Variants in MAB21L4 observed in about 807,000 individuals in gnomAD.
MAB21L4 encodes protein mab-21-like 4.
In MAB21L4, 25 loss-of-function variants were observed where a neutral mutation model predicts 32.4. The ratio of observed to expected loss-of-function variants is 0.77; its 90% CI spans 0.56 to 1.08. The LOEUF (loss-of-function observed/expected upper bound fraction) is 1.08, where lower values mean the gene tolerates loss of function less well. Among genes scored for constraint, MAB21L4 ranks in the 50% least tolerant of loss-of-function variants. MAB21L4 has a pLI of 0.00. For missense variants in MAB21L4, 638 were observed against 611.0 expected (o/e 1.04, Z -0.47); for synonymous variants, 280 against 276.8 (o/e 1.01, Z -0.11).
Position 240,891,764 on chromosome 2 carries a change from C to A in MAB21L4, c.515-1G>T. The A allele has an allele frequency of 1.2e-6, 2 of 1,607,122 alleles. No homozygotes were observed. Among genetic ancestry groups the A allele is most frequent in the Non-Finnish European group, 8.5e-7 (1 of 1,177,784 alleles). On this transcript the variant is annotated splice_acceptor_variant, in intron 1 of 4. Coordinates refer to ENST00000388934, the MANE Select transcript of MAB21L4 (RefSeq NM_001085437.3). LOFTEE classifies it high-confidence loss of function. ...CTCAGGCTGGCCGCGTTCAGCGAAC[C>A]TGCAAAGACCCAAGTCACGCCGGCC...
In MAB21L4 at chr2:240,888,614, G is replaced by T; in HGVS notation, c.929C>A (p.Ala310Glu). 2.5e-6 allele frequency: 4 copies of T among 1,597,888 alleles called. No homozygotes were observed. Among genetic ancestry groups the T allele is most frequent in the Non-Finnish European group, 1.7e-6 (2 of 1,172,598 alleles). The change falls in exon 4 of 5, where the codon GCG (alanine) becomes GAG (glutamate). Residue 310 changes from alanine to glutamate, a missense_variant. Ala to Glu is a moderately radical substitution (Grantham distance 107). Coordinates refer to ENST00000388934, the MANE Select transcript of MAB21L4 (RefSeq NM_001085437.3). Reference protein sequence around the residue: ...VLLWASVLFLAPEDWAELQGA... With the variant: ...VLLWASVLFLEPEDWAELQGA... ...CTGCAGTTCTGCCCAGTCCTCGGGCGCCAGGAAGAGCACAGAGGCCCACAG... is the reference window on the plus strand; with the variant it reads ...CTGCAGTTCTGCCCAGTCCTCGGGCTCCAGGAAGAGCACAGAGGCCCACAG...
In MAB21L4 at chr2:240,888,395, C is replaced by T; in HGVS notation, c.1148G>A (p.Ser383Asn). The T allele has an allele frequency of 6.4e-7, 1 of 1,557,066 alleles. No homozygotes were observed. Residue 383 changes from serine to asparagine, a missense_variant, in exon 4 of 5, where the codon AGC (serine) becomes AAC (asparagine). Transcript: ENST00000388934. ...CCCGGAGCCGATGCGCGGCGGGGGG[C>T]TGCGGCCCAGGTGGGTGGCGTGGAT... ...LRIHATHLGR[S>N]PPPRIGSGLK...
In MAB21L4 at chr2:240,889,986, C is replaced by A. The variant is rs368651713; in HGVS notation, c.894+19G>T. The A allele has an allele frequency of 6.3e-7, 1 of 1,592,638 alleles. No homozygotes were observed. Among genetic ancestry groups the A allele is most frequent in the East Asian group, 2.3e-5 (1 of 44,280 alleles). ...TGGGCCCTGGTGACAGACAACCCGC[C>A]GAGTCCCGCCCTGGGTACCTTCAGG... On this transcript the variant is annotated intron_variant, in intron 3 of 4. Coordinates refer to ENST00000388934, the MANE Select transcript of MAB21L4 (RefSeq NM_001085437.3).
chr2:240,891,447 G>T lies in MAB21L4; in HGVS notation c.740+91C>A, dbSNP rs2059148030. 4.1e-6 allele frequency: 5 copies of T among 1,231,224 alleles called. No individual in the cohort carries two copies. The South Asian group carries it at 5.8e-5, about 14-fold the overall frequency. 76.3% of individuals were successfully genotyped at this position (1,231,224 alleles called of 1,614,324 possible). A position where few individuals can be genotyped will look rare whatever the true frequency, so the allele number is the denominator to read the frequency against. On this transcript the variant is annotated intron_variant, in intron 2 of 4. Coordinates refer to ENST00000388934, the MANE Select transcript of MAB21L4 (RefSeq NM_001085437.3). ...GCAGAGGCAGACGGAGGACCCTGCA[G>T]ATCCTCCTGGCTGGGGCCAGGGGAG...
chr2:240,891,805 C>T (rs765064683), intron 1 of MAB21L4, 42 bp from the exon 2 acceptor site: 1 of 1,603,168 alleles, frequency 6.2e-7, no homozygotes, highest in South Asian at 1.1e-5. Context: ...ACTTGCCTCA[C>T]CTGCCCAGGA....
intron 2 of MAB21L4, among the ~76,000 whole-genome samples, chr2:240,891,230 G>T (rs4675791): frequency 6.6e-5 from 10 of 152,104 alleles, no homozygotes; most frequent in Admixed American, 4.6e-4. Context: ...TGACCTCTCA[G>T]CTATTTTCCT....
chr2:240,891,509 G>A (rs1206237642), intron 2 of MAB21L4, 29 bp downstream of exon 2: 1 of 1,558,476 alleles, frequency 6.4e-7, no homozygotes, highest in Admixed American at 1.8e-5. Context: ...CCCTCCCCAA[G>A]AACCTTGTGA....
At chr2:240,890,569 C>G (rs1416329605) in intron 2 of MAB21L4, among the ~76,000 whole-genome samples, 1 of 152,172 alleles carries the variant, frequency 6.6e-6, no homozygotes, top group South Asian at 2.1e-4. Flanking sequence ...ACACCCCAGC[C>G]CCGCCTATGC....
chr2:240,890,768 T>C (rs1559577910), intron 2 of MAB21L4, among the ~76,000 whole-genome samples: 1 of 152,248 alleles, frequency 6.6e-6, no homozygotes, highest in Admixed American at 6.5e-5. Flanking sequence ...TTTTCCCATT[T>C]ACTTGCAAAA....
chr2:240,892,549 G>A (rs1195114002), intron 1 of MAB21L4, among the ~76,000 whole-genome samples: 4 of 152,104 alleles, frequency 2.6e-5, no homozygotes, highest in Non-Finnish European at 2.9e-5. Context: ...TGCCAGTAGT[G>A]GAGAGCCAGC....
intron 4 of MAB21L4, among the ~76,000 whole-genome samples, chr2:240,887,923 G>T (rs549080034): frequency 6.6e-6 from 1 of 152,278 alleles, no homozygotes; most frequent in Admixed American, 6.5e-5. Context: ...GTCCCTCTGG[G>T]GCCCAGGTAA....
At chr2:240,888,872 C>T (rs189477657) in intron 3 of MAB21L4, among the ~76,000 whole-genome samples, 1 of 152,114 alleles carries the variant, frequency 6.6e-6, no homozygotes, top group African/African-American at 2.4e-5. Flanking sequence ...TCTCTCCTCC[C>T]CTGCCTGGCT....
In MAB21L4 at chr2:240,890,020, G is replaced by T; in HGVS notation, c.879C>A (p.Thr293=). ...CCCTGGGTACCTTCAGGTGGCCAAA[G>T]GTCAGGCCGTCAGTCTGGCCACTGT... ...WRDSGQTDGL[T]FGHLKMVLLW... Residue 293 remains threonine (T), a synonymous_variant, in exon 3 of 5, where the codon ACC becomes ACA. Transcript: ENST00000388934. The T allele has an allele frequency of 6.2e-7, 1 of 1,611,472 alleles. No homozygotes were observed. Among genetic ancestry groups the T allele is most frequent in the Non-Finnish European group, 8.5e-7 (1 of 1,178,226 alleles).
rs201433135 is a variant in MAB21L4, at chr2:240,888,447, C to T, written c.1096G>A (p.Ala366Thr). 6.4e-6 allele frequency: 10 copies of T among 1,567,526 alleles called. No individual in the cohort carries two copies. The highest frequency in any genetic ancestry group is 1.7e-4 in the Middle Eastern group (1 of 5,812). Reference protein sequence around the residue: ...GAIYQRVEGFASQPEAALRIH... With the variant: ...GAIYQRVEGFTSQPEAALRIH... ...CGCAGGGCCGCCTCGGGCTGGCTGG[C>T]GAAGCCCTCCACGCGCTGGTAGATG... The change falls in exon 4 of 5, where the codon GCC (alanine) becomes ACC (threonine). Residue 366 changes from alanine (A) to threonine (T), a missense_variant. Ala to Thr is a moderately conservative substitution (Grantham distance 58, BLOSUM62 0). Coordinates refer to ENST00000388934, the MANE Select transcript of MAB21L4 (RefSeq NM_001085437.3).
In MAB21L4 at chr2:240,895,496, G is replaced by A; in HGVS notation, c.502C>T (p.Leu168Phe). 6.4e-7 allele frequency: 1 copy of A among 1,566,600 alleles called. No homozygotes were observed. The highest frequency in any genetic ancestry group is 8.7e-7 in the Non-Finnish European group (1 of 1,150,856). Residue 168 changes from leucine (L) to phenylalanine (F), a missense_variant, in exon 1 of 5, where the codon CTC (leucine) becomes TTC (phenylalanine). Coordinates refer to ENST00000388934, the MANE Select transcript of MAB21L4 (RefSeq NM_001085437.3). ...GCTGTGCCTGTACCTGGTGCGATGA[G>A]ACTGTGGTGCTTGCAGTGTACGATG... Reference protein sequence around the residue: ...AAIVHCKHHSLIAPGSLNAAS... With the variant: ...AAIVHCKHHSFIAPGSLNAAS...
chr2:240,892,569 G>C (rs879439404), intron 1 of MAB21L4, among the ~76,000 whole-genome samples: 1 of 151,920 alleles, frequency 6.6e-6, no homozygotes, highest in Non-Finnish European at 1.5e-5. Flanking sequence ...CTCGGCCACC[G>C]CCGTTTCTGG....
rs973086218 is a variant in MAB21L4 at position 240,892,553 on chromosome 2, A to G, written c.515-790T>C. The stretch of plus-strand genomic sequence containing the variant: ...GCGGCGGCAGCTGCCAGTAGTGGAG[A>G]GCCAGCTCGGCCACCGCCGTTTCTG... On this transcript the variant is annotated intron_variant, in intron 1 of 4. Coordinates refer to ENST00000388934, the MANE Select transcript of MAB21L4 (RefSeq NM_001085437.3). 5.0e-4 allele frequency among the ~76,000 whole-genome samples: 76 copies of G among 152,202 alleles called. 1 individual carries two copies. Among genetic ancestry groups the G allele is most frequent in the African/African-American group, 1.7e-3 (70 of 41,540 alleles).
chr2:240,895,824 G>A lies in MAB21L4; in HGVS notation c.174C>T (p.Ile58=), dbSNP rs118111655. The change falls in exon 1 of 5, where the codon ATC becomes ATT. Residue 58 remains isoleucine, a synonymous_variant. Coordinates refer to ENST00000388934, the MANE Select transcript of MAB21L4 (RefSeq NM_001085437.3). ...CCTCCAGGCCACGGGAGTAGTCCAC[G>A]ATGAAGCGGGGGTCCAGGGCATGCA... ...ERVHALDPRF[I]VDYSRGLEAF... 2.9e-5 allele frequency: 46 copies of A among 1,590,902 alleles called. No individual in the cohort carries two copies. The East Asian group carries it at 6.1e-4, about 21-fold the overall frequency.
intron 1 of MAB21L4, among the ~76,000 whole-genome samples, chr2:240,892,434 T>C (rs1320009367): frequency 1.3e-5 from 2 of 150,644 alleles, no homozygotes; most frequent in African/African-American, 4.9e-5. Flanking sequence ...GAAGCCCATG[T>C]TGGATCCAGC....
Sources: gnomAD v4.1 joint callset for allele counts (sites outside exome capture counted in the v4.1 genomes callset) on GRCh38, gnomAD v4.1.1 for gene constraint, MANE v1.5 for transcripts, NCBI Gene and HGNC (gene_info 2026-07-23, HGNC 2026-07-21) for gene names.